The following MGME1 variants were observed in gnomAD, a reference collection of about 807,000 sequenced individuals.
MGME1 encodes the protein chromosome 20 open reading frame 72.
In MGME1, 22 loss-of-function variants were observed where a neutral mutation model predicts 33.0. The ratio of observed to expected loss-of-function variants is 0.67; its 90% confidence interval spans 0.48 to 0.95. The LOEUF (loss-of-function observed/expected upper bound fraction) is 0.95, where lower values mean the gene tolerates loss of function less well. Ranked by LOEUF, MGME1 falls within the 40% of genes least tolerant of loss-of-function variation. MGME1 has a pLI of 0.00. For missense variants in MGME1, 383 were observed against 397.8 expected (o/e 0.96, Z 0.32); for synonymous variants, 133 against 144.0 (o/e 0.92, Z 0.55).
chr20:17,981,648 CGTGTGTGTGTGTGTGTGTGTGTGT>C (rs10677204), intron 3 of MGME1, among the ~76,000 whole-genome samples: 13 of 139,810 alleles, frequency 9.3e-5, no homozygotes, highest in African/African-American at 2.7e-4. Flanking sequence ...ATCTACTACT[CGTGTGTGTGTGTGTGTGTGTGTGT>C]GTGTGTGTGT....
At chr20:17,976,140 G>C (rs900247228) in intron 3 of MGME1, among the ~76,000 whole-genome samples, 1 of 152,200 alleles carries the variant, frequency 6.6e-6, no homozygotes, top group African/African-American at 2.4e-5. Flanking sequence ...TTGTTTGTTT[G>C]TTTTGTTTTG....
chr20:17,979,400 A>AT (rs2035946792), intron 3 of MGME1, among the ~76,000 whole-genome samples: 3 of 144,388 alleles, frequency 2.1e-5, no homozygotes, highest in South Asian at 4.5e-4. Flanking sequence ...TATTTTTGTT[A>AT]TTTTTTTAAT....
chr20:17,988,193 G>A lies in MGME1; in HGVS notation c.759G>A (p.Lys253=). 6.2e-7 allele frequency: 1 copy of A among 1,613,998 alleles called. No homozygotes were observed. The highest frequency in any genetic ancestry group is 8.5e-7 in the Non-Finnish European group (1 of 1,179,932). The change falls in exon 4 of 5, where the codon AAG becomes AAA. Residue 253 remains lysine, a synonymous_variant. Coordinates refer to ENST00000377710, the MANE Select transcript of MGME1 (RefSeq NM_052865.4). ...GCAAGCTCTGTGTGATTGATTGGAA[G>A]ACATCAGAGAAACCAAAGCCTTTTA... is the stretch of plus-strand genomic sequence containing the variant. ...YQGKLCVIDW[K]TSEKPKPFIQ...
chr20:17,975,000 C>T (rs2035822938), intron 2 of MGME1, among the ~76,000 whole-genome samples: 1 of 152,114 alleles, frequency 6.6e-6, no homozygotes, highest in African/African-American at 2.4e-5. Context: ...GCACAGTTCC[C>T]TAGATTTCTA....
At chr20:17,986,830 G>GTT (rs369203961) in intron 3 of MGME1, among the ~76,000 whole-genome samples, 2 of 145,678 alleles carry the variant, frequency 1.4e-5, no homozygotes, top group African/African-American at 2.5e-5. Flanking sequence ...TGCTATTAAG[G>GTT]TTTTTTTTTT....
Position 17,969,818 on chromosome 20 carries a change from C to T in MGME1, c.-42C>T, listed in dbSNP as rs894971745. ...TCCAATAGGAATACAAACATAAAGG[C>T]CTTCGACCGTTGCAAATAGACTAAA... On this transcript the variant is annotated 5_prime_UTR_variant, in exon 2 of 5. Coordinates refer to ENST00000377710, the MANE Select transcript of MGME1 (RefSeq NM_052865.4). 6.4e-7 allele frequency: 1 copy of T among 1,550,598 alleles called. No homozygotes were observed. The highest frequency in any genetic ancestry group is 8.7e-7 in the Non-Finnish European group (1 of 1,153,490).
intron 3 of MGME1, among the ~76,000 whole-genome samples, chr20:17,982,364 C>G (rs551986235): frequency 6.6e-6 from 1 of 152,310 alleles, no homozygotes; most frequent in African/African-American, 2.4e-5. Flanking sequence ...AGGTGATCCA[C>G]CCACCTCAGC....
intron 3 of MGME1, among the ~76,000 whole-genome samples, chr20:17,976,191 T>G (rs145678917): frequency 0.1 from 15,716 of 152,276 alleles, 868 homozygotes; most frequent in Non-Finnish European, 0.11. Flanking sequence ...TGGTGCAATC[T>G]TGGCTCACTG....
Position 17,990,001 on chromosome 20 carries a change from G to A in MGME1, c.927G>A (p.Met309Ile), listed in dbSNP as rs766698211. ...GATCACCTGCCCACCCACATTTCAT[G>A]GATGCAGAGCTCTGTTCCCAGTACT... is the stretch of plus-strand genomic sequence containing the variant. The part of the protein sequence containing the change: ...KDGSPAHPHF[M>I]DAELCSQYWT... Residue 309 changes from methionine to isoleucine, a missense_variant, in exon 5 of 5, where the codon ATG becomes ATA. Transcript: ENST00000377710. 18 of 1,614,034 alleles carry A rather than the reference G, an allele frequency of 1.1e-5. No individual in the cohort carries two copies. The highest frequency in any genetic ancestry group is 1.5e-5 in the Non-Finnish European group (18 of 1,180,028).
intron 3 of MGME1, among the ~76,000 whole-genome samples, chr20:17,987,959 G>A (rs1049447124): frequency 1.3e-5 from 2 of 152,128 alleles, no homozygotes; most frequent in Non-Finnish European, 2.9e-5. Context: ...AGGCTGAGGT[G>A]GGAGGATCAC....
At chr20:17,986,896 A>G (rs958584250) in intron 3 of MGME1, among the ~76,000 whole-genome samples, 1 of 151,816 alleles carries the variant, frequency 6.6e-6, no homozygotes, top group Admixed American at 6.6e-5. Context: ...GTTCTGTGGC[A>G]GAAATATAAC....
Position 17,974,141 on chromosome 20 carries a change from T to G in MGME1, c.512-1543T>G, listed in dbSNP as rs551543081. Among the ~76,000 whole-genome samples the G allele has an allele frequency of 8.3e-5, 12 of 144,740 alleles. No individual in the cohort carries two copies. The South Asian group carries it at 2.8e-3, about 34-fold the overall frequency. 95.0% of individuals were successfully genotyped at this position (144,740 alleles called of 152,430 possible). ...GTGCAGTGGCATGATCTTGGCTCAC[T>G]GCAACCTCTGCCTCCTGGGTTCAAG... On this transcript the variant is annotated intron_variant, in intron 2 of 4. Transcript: ENST00000377710.
intron 4 of MGME1, among the ~76,000 whole-genome samples, chr20:17,989,408 T>C (rs893583823): frequency 1.3e-5 from 2 of 149,168 alleles, no homozygotes; most frequent in Admixed American, 1.3e-4. Context: ...AATAAATAAA[T>C]AAATAAATAA....
chr20:17,975,204 T>C (rs1415753973), intron 2 of MGME1, among the ~76,000 whole-genome samples: 3 of 152,164 alleles, frequency 2.0e-5, no homozygotes, highest in Middle Eastern at 6.3e-3. Context: ...TTTCAAAGTA[T>C]ATTCTTAGGT....
At chr20:17,987,072 C>T (rs553112093) in intron 3 of MGME1, among the ~76,000 whole-genome samples, 5 of 151,372 alleles carry the variant, frequency 3.3e-5, no homozygotes, top group African/African-American at 1.2e-4. Context: ...GCCAGCTACT[C>T]AGGGGGCTGA....
chr20:17,969,391 G>T (rs990568082), intron 1 of MGME1, among the ~76,000 whole-genome samples: 2 of 152,202 alleles, frequency 1.3e-5, no homozygotes, highest in Admixed American at 6.6e-5. Context: ...CACGGTAGAG[G>T]GTGTGAGGAC....
At chr20:17,980,971 G>C (rs2036001669) in intron 3 of MGME1, among the ~76,000 whole-genome samples, 1 of 151,596 alleles carries the variant, frequency 6.6e-6, no homozygotes, top group Non-Finnish European at 1.5e-5. Context: ...TTTTTTTAAA[G>C]AAATATAATA....
intron 4 of MGME1, among the ~76,000 whole-genome samples, chr20:17,988,703 T>TAA (rs34498827): frequency 5.0e-5 from 7 of 138,814 alleles, no homozygotes; most frequent in African/African-American, 8.0e-5. Flanking sequence ...AGAAAAATTG[T>TAA]AAAAAAAAAA....
intron 1 of MGME1, among the ~76,000 whole-genome samples, 192 bp from the exon 2 acceptor site, chr20:17,969,609 C>T (rs111744705): frequency 1.7e-4 from 26 of 152,282 alleles, no homozygotes; most frequent in African/African-American, 5.8e-4. Flanking sequence ...TACTAATTCG[C>T]ATTTAGTATG....
Sources: allele counts gnomAD v4.1 joint callset (sites outside exome capture counted in the v4.1 genomes callset), GRCh38; gene constraint gnomAD v4.1.1; transcripts MANE v1.5; gene names NCBI Gene and HGNC (gene_info 2026-07-23, HGNC 2026-07-21).